Variants in LRP1B observed in about 807,000 individuals in gnomAD.
LRP1B encodes low-density lipoprotein receptor-related protein 1B.
A neutral mutation model predicts 556.6 loss-of-function variants in LRP1B; 217 were observed. The observed-to-expected ratio is 0.39, with a 90% CI of 0.35 to 0.44. The LOEUF is 0.44. LRP1B is among the 20% of genes least tolerant of loss of function. The pLI, the probability that LRP1B is intolerant of heterozygous loss-of-function variation, is 1.00. For synonymous variants in LRP1B, 2,047 were observed against 1,865.8 expected (o/e 1.10, Z -2.50); for missense variants, 5,053 against 5,620.8 (o/e 0.90, Z 3.23).
chr2:141,285,165 T>A (rs930157324), intron 3 of LRP1B, among the ~76,000 whole-genome samples: 1 of 151,326 alleles, frequency 6.6e-6, no homozygotes. Flanking sequence ...TGGTGCAATC[T>A]TGGCTCACTG....
At chr2:140,538,427 C>A (rs1281085643) in intron 45 of LRP1B, among the ~76,000 whole-genome samples, 1 of 152,074 alleles carries the variant, frequency 6.6e-6, no homozygotes, top group Admixed American at 6.6e-5. Flanking sequence ...ATCTTTATGT[C>A]CATGAGCATC....
intron 31 of LRP1B, among the ~76,000 whole-genome samples, chr2:140,815,222 A>T (rs1361539694): frequency 6.6e-6 from 1 of 152,156 alleles, no homozygotes; most frequent in African/African-American, 2.4e-5. Context: ...AGAAAAGGTC[A>T]AATATAGCCT....
chr2:141,030,696 C>A (rs1354398460), intron 11 of LRP1B, among the ~76,000 whole-genome samples: 1 of 151,884 alleles, frequency 6.6e-6, no homozygotes, highest in Non-Finnish European at 1.5e-5. Flanking sequence ...ATTAAATGTC[C>A]TAATATCATT....
At chr2:141,299,197 C>T (rs764998476) in intron 3 of LRP1B, among the ~76,000 whole-genome samples, 2 of 151,980 alleles carry the variant, frequency 1.3e-5, no homozygotes, top group East Asian at 1.9e-4. Context: ...TGTAATGAGC[C>T]GAGCAGATAG....
At chr2:141,257,116 A>G (rs1329697784) in intron 3 of LRP1B, among the ~76,000 whole-genome samples, 2 of 152,116 alleles carry the variant, frequency 1.3e-5, no homozygotes, top group Non-Finnish European at 2.9e-5. Context: ...TGAGAAATAA[A>G]CATGGATGAA....
chr2:141,170,867 A>AGAAT (rs1178766486), intron 7 of LRP1B, among the ~76,000 whole-genome samples: 2 of 152,150 alleles, frequency 1.3e-5, no homozygotes, highest in East Asian at 3.9e-4. Context: ...TAACTGAGTG[A>AGAAT]GAATGTGGAA....
intron 79 of LRP1B, among the ~76,000 whole-genome samples, chr2:140,326,104 A>G (rs890385150): frequency 6.6e-6 from 1 of 152,140 alleles, no homozygotes; most frequent in Non-Finnish European, 1.5e-5. Flanking sequence ...AATTCTAGCA[A>G]AAGTCTTATT....
At chr2:141,163,559 C>A (rs1388646416) in intron 7 of LRP1B, among the ~76,000 whole-genome samples, 1 of 151,978 alleles carries the variant, frequency 6.6e-6, no homozygotes, top group Non-Finnish European at 1.5e-5. Context: ...ATTGTAGCTC[C>A]CATAATTCCC....
At chr2:141,733,971 C>A (rs772679181) in intron 2 of LRP1B, among the ~76,000 whole-genome samples, 6 of 152,072 alleles carry the variant, frequency 3.9e-5, no homozygotes, top group Non-Finnish European at 8.8e-5. Context: ...TATAATCTCA[C>A]TGAGTTTAGT....
At chr2:140,938,855 T>A (rs1238146978) in intron 20 of LRP1B, among the ~76,000 whole-genome samples, 2 of 152,112 alleles carry the variant, frequency 1.3e-5, no homozygotes, top group Non-Finnish European at 2.9e-5. Flanking sequence ...TTTAAAATTT[T>A]TCTATCTTTC....
At chr2:141,181,527 CTT>C (rs961348221) in intron 7 of LRP1B, among the ~76,000 whole-genome samples, 2 of 151,610 alleles carry the variant, frequency 1.3e-5, no homozygotes, top group African/African-American at 4.8e-5. Context: ...GTTTAACAGA[CTT>C]TGAAAATTTA....
At chr2:141,647,262 G>A (rs1689604751) in intron 2 of LRP1B, among the ~76,000 whole-genome samples, 1 of 152,176 alleles carries the variant, frequency 6.6e-6, no homozygotes, top group East Asian at 1.9e-4. Flanking sequence ...CTGGGTAAAA[G>A]TTAGCAGAGT....
rs1574121425 is a variant in LRP1B, at chr2:141,597,217, T to G, written c.206-116684A>C. Among the ~76,000 whole-genome samples the G allele has an allele frequency of 2.0e-5, 3 of 152,000 alleles. No homozygotes were observed. In the South Asian group the frequency reaches 6.2e-4, roughly 31 times the overall value. ...AAGCAAAATTCACACACGATAATAT[T>G]TCTTGGGTTTTCTCTCTACTTTCTT... On this transcript the variant is annotated intron_variant, in intron 2 of 90. Transcript: ENST00000389484.
chr2:141,412,322 G>C (rs1690881911), intron 3 of LRP1B, among the ~76,000 whole-genome samples: 1 of 152,182 alleles, frequency 6.6e-6, no homozygotes, highest in South Asian at 2.1e-4. Context: ...CAGTAGGAAA[G>C]AGAATTCATA....
At chr2:142,048,010 G>C (rs913474837) in intron 1 of LRP1B, among the ~76,000 whole-genome samples, 1 of 152,120 alleles carries the variant, frequency 6.6e-6, no homozygotes, top group East Asian at 1.9e-4. Context: ...GCGTATTACC[G>C]TCTATTACTA....
At chr2:141,156,839 A>T (rs548107459) in intron 7 of LRP1B, among the ~76,000 whole-genome samples, 2 of 152,222 alleles carry the variant, frequency 1.3e-5, no homozygotes, top group South Asian at 4.1e-4. Flanking sequence ...AAACAAAGTA[A>T]AGTAATGGCA....
chr2:141,583,488 G>A (rs1354094496), intron 2 of LRP1B, among the ~76,000 whole-genome samples: 4 of 151,992 alleles, frequency 2.6e-5, no homozygotes, highest in African/African-American at 9.6e-5. Flanking sequence ...GATCTAAGAG[G>A]ACCAACCCTC....
chr2:141,321,832 T>C (rs1041761251), intron 3 of LRP1B, among the ~76,000 whole-genome samples: 3 of 152,148 alleles, frequency 2.0e-5, no homozygotes, highest in African/African-American at 7.2e-5. Flanking sequence ...ACTTCCATCA[T>C]CTACCCACAA....
intron 35 of LRP1B, among the ~76,000 whole-genome samples, chr2:140,722,262 C>T (rs1687428978): frequency 6.6e-6 from 1 of 152,162 alleles, no homozygotes; most frequent in South Asian, 2.1e-4. Context: ...TGTTCAATTT[C>T]TGTCTGTTAC....
Sources: allele counts gnomAD v4.1 joint callset (sites outside exome capture counted in the v4.1 genomes callset), GRCh38; gene constraint gnomAD v4.1.1; transcripts MANE v1.5; gene names NCBI Gene and HGNC (gene_info 2026-07-23, HGNC 2026-07-21).